The following RASAL2 variants were observed in gnomAD, a reference collection of about 807,000 sequenced individuals.
RASAL2 encodes ras GTPase-activating protein nGAP.
A neutral mutation model predicts 128.9 loss-of-function variants in RASAL2; 58 were observed. The observed-to-expected ratio is 0.45, with a 90% confidence interval of 0.36 to 0.56. RASAL2 has a LOEUF of 0.56. Ranked by LOEUF, RASAL2 falls within the 20% of genes least tolerant of loss-of-function variation. The pLI, the probability that RASAL2 is intolerant of heterozygous loss-of-function variation, is 0.00. For synonymous variants in RASAL2, 561 were observed against 580.8 expected, an observed-to-expected ratio of 0.97 and a Z score of 0.49; for missense variants, 1,360 against 1,601.6, an observed-to-expected ratio of 0.85 and a Z score of 2.57.
intron 1 of RASAL2, among the ~76,000 whole-genome samples, chr1:178,219,467 C>T (rs1482134661): frequency 6.6e-6 from 1 of 151,648 alleles, no homozygotes; most frequent in East Asian, 1.9e-4. Flanking sequence ...GGCAACAAAC[C>T]CTATTTCTAC....
intron 3 of RASAL2, among the ~76,000 whole-genome samples, chr1:178,341,010 A>G (rs1337407660): frequency 6.6e-6 from 1 of 152,198 alleles, no homozygotes; most frequent in Non-Finnish European, 1.5e-5. Context: ...GGTAAGTTAA[A>G]CTGATCGGTT....
intron 1 of RASAL2, among the ~76,000 whole-genome samples, chr1:178,228,809 G>A (rs1571663761): frequency 1.3e-5 from 2 of 152,154 alleles, no homozygotes; most frequent in African/African-American, 4.8e-5. Flanking sequence ...TTAATAGGGT[G>A]ATCTTGATTA....
chr1:178,155,924 T>C (rs1661069718), intron 1 of RASAL2, among the ~76,000 whole-genome samples: 1 of 152,320 alleles, frequency 6.6e-6, no homozygotes, highest in East Asian at 1.9e-4. Flanking sequence ...GAGTTTATAG[T>C]TTCCAGAAAC....
intron 1 of RASAL2, among the ~76,000 whole-genome samples, chr1:178,226,108 C>T (rs562385926): frequency 3.8e-4 from 58 of 152,256 alleles, no homozygotes; most frequent in Non-Finnish European, 7.6e-4. Flanking sequence ...ATTCACAATT[C>T]GGTCCGTGGA....
intron 17 of RASAL2, among the ~76,000 whole-genome samples, 199 bp from the exon 18 acceptor site, chr1:178,472,876 A>G (rs1325989630): frequency 6.6e-6 from 1 of 152,186 alleles, no homozygotes; most frequent in Non-Finnish European, 1.5e-5. Context: ...GAGAGAGAGA[A>G]AAAAATAAAC....
intron 1 of RASAL2, among the ~76,000 whole-genome samples, chr1:178,200,061 T>G (rs1317776828): frequency 3.3e-5 from 5 of 152,198 alleles, no homozygotes; most frequent in Non-Finnish European, 7.3e-5. Flanking sequence ...AGACGGCCTA[T>G]TATGGTACCT....
At chr1:178,211,608 T>C (rs1663259184) in intron 1 of RASAL2, among the ~76,000 whole-genome samples, 3 of 152,186 alleles carry the variant, frequency 2.0e-5, no homozygotes, top group African/African-American at 7.2e-5. Flanking sequence ...CTTCATATAT[T>C]TGCCCATGCT....
At position 178,272,931 on chromosome 1, in the gene RASAL2, TA is replaced by T. The variant is rs532480881; in HGVS notation, c.203-10619del. Among the ~76,000 whole-genome samples, 707 of 142,836 alleles carry T rather than the reference TA, an allele frequency of 4.9e-3. 1 individual carries two copies. Among genetic ancestry groups the T allele is most frequent in the East Asian group, 0.013 (63 of 4,922 alleles). The allele number at this position is 142,836 out of a possible 152,430, so 93.7% of individuals were successfully genotyped here. ...TGGGTGACAGAATGAGATTCCACCTTAAAAAAAAAAAAAATCCAAATATTTG... is the reference window on the plus strand; with the variant it reads ...TGGGTGACAGAATGAGATTCCACCTTAAAAAAAAAAAAATCCAAATATTTG... On this transcript the variant is annotated intron_variant, in intron 1 of 17. Transcript: ENST00000367649.
At chr1:178,216,663 G>A (rs1265341893) in intron 1 of RASAL2, among the ~76,000 whole-genome samples, 4 of 152,084 alleles carry the variant, frequency 2.6e-5, no homozygotes, top group East Asian at 3.9e-4. Context: ...TGTTTAAGAC[G>A]GAGTTTCACT....
At position 178,404,204 on chromosome 1, in the gene RASAL2, C is replaced by G. The variant is rs185111728; in HGVS notation, c.564+13998C>G. On this transcript the variant is annotated intron_variant, in intron 4 of 17. Coordinates refer to ENST00000367649, the MANE Select transcript of RASAL2 (RefSeq NM_170692.4). ...TCACGCCATTGCACTCCAGCTGAGG[C>G]TACAGTGCGAGACCCCGTCTCAAAA... is the stretch of plus-strand genomic sequence containing the variant. 7.7e-5 allele frequency among the ~76,000 whole-genome samples: 11 copies of G among 142,236 alleles called. No individual in the cohort carries two copies. In the East Asian group the frequency reaches 2.3e-3, roughly 30 times the overall value. 93.3% of individuals were successfully genotyped at this position (142,236 alleles called of 152,430 possible).
intron 1 of RASAL2, among the ~76,000 whole-genome samples, chr1:178,281,035 A>G (rs1191370338): frequency 6.6e-6 from 1 of 152,096 alleles, no homozygotes; most frequent in African/African-American, 2.4e-5. Context: ...AATATAGGTT[A>G]TTTTAAAAAA....
chr1:178,234,656 A>C (rs16852613), intron 1 of RASAL2, among the ~76,000 whole-genome samples: 1 of 152,204 alleles, frequency 6.6e-6, no homozygotes, highest in South Asian at 2.1e-4. Flanking sequence ...CTTGGGGCCT[A>C]TGTTTTTTAA....
At position 178,307,324 on chromosome 1, in the gene RASAL2, T is replaced by A. The variant is rs193268779; in HGVS notation, c.457+7206T>A. 4.6e-5 allele frequency among the ~76,000 whole-genome samples: 7 copies of A among 152,286 alleles called. No individual in the cohort carries two copies. The East Asian group carries it at 1.3e-3, about 29-fold the overall frequency. ...GAAAATGAGATGTTTTCTTAAGGCA[T>A]GTGTGCATCATGTCTAAAGTACCCA... On this transcript the variant is annotated intron_variant, in intron 3 of 17. Coordinates refer to ENST00000367649, the MANE Select transcript of RASAL2 (RefSeq NM_170692.4).
rs571214815 is a variant in RASAL2, at chr1:178,175,627, T to C, written c.202+80933T>C. Reference sequence around the variant, plus strand: ...AGTGGTGAAGTCTGAGATTTTAGTGTACCCATCACCCAAGTGGTGTACATT... The same window carrying C: ...AGTGGTGAAGTCTGAGATTTTAGTGCACCCATCACCCAAGTGGTGTACATT... On this transcript the variant is annotated intron_variant, in intron 1 of 17. Coordinates refer to ENST00000367649, the MANE Select transcript of RASAL2 (RefSeq NM_170692.4). Among the ~76,000 whole-genome samples, 74 of 152,148 alleles carry C rather than the reference T, an allele frequency of 4.9e-4. No individual in the cohort carries two copies. The South Asian group carries it at 0.014, about 29-fold the overall frequency.
chr1:178,234,295 T>G (rs1664138437), intron 1 of RASAL2, among the ~76,000 whole-genome samples: 1 of 152,210 alleles, frequency 6.6e-6, no homozygotes, highest in Admixed American at 6.5e-5. Context: ...TAAACATTAT[T>G]TTTAAATTAA....
At chr1:178,328,637 C>T (rs1458329052) in intron 3 of RASAL2, among the ~76,000 whole-genome samples, 1 of 152,126 alleles carries the variant, frequency 6.6e-6, no homozygotes, top group Admixed American at 6.5e-5. Context: ...GATGACAAAA[C>T]AGTGACAATG....
chr1:178,141,726 C>T lies in RASAL2; in HGVS notation c.202+47032C>T, dbSNP rs369826766. Among the ~76,000 whole-genome samples, 32 of 152,166 alleles carry T rather than the reference C, an allele frequency of 2.1e-4. 1 individual carries two copies. In the South Asian group the frequency reaches 6.4e-3, roughly 31 times the overall value. On this transcript the variant is annotated intron_variant, in intron 1 of 17. Coordinates refer to ENST00000367649, the MANE Select transcript of RASAL2 (RefSeq NM_170692.4). ...GCTAGCAGGCTGGTCCAGGGATCCG[C>T]GGTAGATCTTAGTCATGGACTGCAT...
intron 2 of RASAL2, among the ~76,000 whole-genome samples, chr1:178,288,244 C>T (rs1667122163): frequency 6.6e-6 from 1 of 152,204 alleles, no homozygotes; most frequent in Non-Finnish European, 1.5e-5. Context: ...GCTTGAACTA[C>T]ACTTTGAGTA....
intron 11 of RASAL2, among the ~76,000 whole-genome samples, chr1:178,453,738 A>G (rs938757270): frequency 5.3e-5 from 8 of 152,232 alleles, no homozygotes; most frequent in African/African-American, 1.9e-4. Context: ...TCACATTTAC[A>G]GAACTGACCA....
Sources: allele counts gnomAD v4.1 joint callset (sites outside exome capture counted in the v4.1 genomes callset), GRCh38; gene constraint gnomAD v4.1.1; transcripts MANE v1.5; gene names NCBI Gene and HGNC (gene_info 2026-07-23, HGNC 2026-07-21).